Variants in COL19A1 observed in about 807,000 individuals in gnomAD.
The protein encoded by COL19A1 is collagen type XIX alpha 1 chain.
A neutral mutation model predicts 190.2 loss-of-function variants in COL19A1; 159 were observed. The ratio of observed to expected loss-of-function variants is 0.84; its 90% CI spans 0.73 to 0.95. COL19A1 has a LOEUF of 0.95. Ranked by LOEUF, COL19A1 falls within the 40% of genes least tolerant of loss-of-function variation. The pLI is 0.00. For missense variants in COL19A1, 1,418 were observed against 1,431.9 expected (o/e 0.99, Z 0.16); for synonymous variants, 509 against 458.9 (o/e 1.11, Z -1.39).
intron 11 of COL19A1, among the ~76,000 whole-genome samples, chr6:69,983,109 G>A (rs1410653382): frequency 6.6e-6 from 1 of 151,850 alleles, no homozygotes; most frequent in Non-Finnish European, 1.5e-5. Flanking sequence ...ATCTATAGAT[G>A]TTTGGGAGGA....
chr6:69,924,457 A>G (rs912667449), intron 4 of COL19A1, among the ~76,000 whole-genome samples: 14 of 152,306 alleles, frequency 9.2e-5, no homozygotes, highest in Admixed American at 7.2e-4. Context: ...GCTGCATAGT[A>G]TTCCATGGTG....
At chr6:70,034,147 T>C (rs1288424671) in intron 12 of COL19A1, 98 bp from the exon 13 acceptor site, 11 of 834,254 alleles carry the variant, frequency 1.3e-5, no homozygotes, top group Non-Finnish European at 1.9e-5. Flanking sequence ...AAGAATGAGA[T>C]TTGGAGGTTC....
intron 17 of COL19A1, among the ~76,000 whole-genome samples, chr6:70,129,246 G>A (rs998032582): frequency 1.3e-5 from 2 of 152,202 alleles, no homozygotes; most frequent in African/African-American, 4.8e-5. Context: ...AGGGAAATGT[G>A]TGCTGGGGAA....
chr6:69,946,024 T>C (rs951499298), intron 9 of COL19A1, among the ~76,000 whole-genome samples: 3 of 152,024 alleles, frequency 2.0e-5, no homozygotes, highest in East Asian at 1.9e-4. Flanking sequence ...AAGCTGATCA[T>C]TGGATTGACC....
At chr6:69,914,150 C>T (rs1771140432) in intron 4 of COL19A1, among the ~76,000 whole-genome samples, 3 of 152,070 alleles carry the variant, frequency 2.0e-5, no homozygotes, top group African/African-American at 4.8e-5. Flanking sequence ...TCAGATCAGG[C>T]GTGAGATTGT....
intron 42 of COL19A1, among the ~76,000 whole-genome samples, chr6:70,177,264 G>A (rs967505568): frequency 6.6e-5 from 10 of 152,086 alleles, no homozygotes; most frequent in African/African-American, 2.4e-4. Context: ...CTGCAGGGCA[G>A]GTCCAGGATA....
At chr6:70,192,862 C>A (rs1007896692) in intron 48 of COL19A1, among the ~76,000 whole-genome samples, 1 of 152,144 alleles carries the variant, frequency 6.6e-6, no homozygotes, top group African/African-American at 2.4e-5. Flanking sequence ...TTGACCTCAA[C>A]CATGAAAAGA....
chr6:70,177,569 G>C (rs115564419), intron 42 of COL19A1, among the ~76,000 whole-genome samples: 4 of 152,166 alleles, frequency 2.6e-5, no homozygotes, highest in Admixed American at 6.5e-5. Flanking sequence ...TCAAATATTC[G>C]TATGACTGTA....
chr6:70,187,061 G>A (rs1231492367), intron 46 of COL19A1, among the ~76,000 whole-genome samples: 1 of 151,986 alleles, frequency 6.6e-6, no homozygotes, highest in African/African-American at 2.4e-5. Context: ...TGTATTTTTA[G>A]TAGAGACAGG....
intron 36 of COL19A1, 71 bp from the exon 37 acceptor site, chr6:70,165,870 T>C (rs1765115139): frequency 7.3e-7 from 1 of 1,373,502 alleles, no homozygotes; most frequent in Admixed American, 1.7e-5. Context: ...CTGTGATTAA[T>C]TTCAGAAGAT....
intron 1 of COL19A1, among the ~76,000 whole-genome samples, chr6:69,878,617 A>G (rs995580706): frequency 1.3e-5 from 2 of 152,198 alleles, no homozygotes; most frequent in Non-Finnish European, 2.9e-5. Flanking sequence ...TGCAGCTGTT[A>G]TAGAAAACAG....
chr6:69,921,135 A>G (rs1290376199), intron 4 of COL19A1, among the ~76,000 whole-genome samples: 5 of 121,482 alleles, frequency 4.1e-5, no homozygotes, highest in Admixed American at 1.1e-4. Flanking sequence ...TATGTATCAC[A>G]TATATATCAC....
intron 11 of COL19A1, among the ~76,000 whole-genome samples, chr6:69,972,519 T>C (rs1490214528): frequency 6.6e-6 from 1 of 152,180 alleles, no homozygotes; most frequent in Non-Finnish European, 1.5e-5. Context: ...GTGTTTCTTT[T>C]CAGCCTCCAG....
At chr6:70,033,097 A>G (rs1779158831) in intron 12 of COL19A1, among the ~76,000 whole-genome samples, 1 of 152,204 alleles carries the variant, frequency 6.6e-6, no homozygotes, top group Admixed American at 6.5e-5. Flanking sequence ...GAAGGCATTT[A>G]TGCAACTAGA....
At chr6:69,929,183 C>G (rs1772592077) in intron 5 of COL19A1, among the ~76,000 whole-genome samples, 1 of 151,622 alleles carries the variant, frequency 6.6e-6, no homozygotes, top group Non-Finnish European at 1.5e-5. Flanking sequence ...CACACACACT[C>G]TTAGATGTTC....
At chr6:70,039,410 A>G (rs1779518604) in intron 14 of COL19A1, among the ~76,000 whole-genome samples, 1 of 152,154 alleles carries the variant, frequency 6.6e-6, no homozygotes, top group South Asian at 2.1e-4. Flanking sequence ...CATACCTACA[A>G]TTTGCTTCCT....
chr6:70,112,965 A>G (rs535849005), intron 16 of COL19A1, among the ~76,000 whole-genome samples: 2 of 152,342 alleles, frequency 1.3e-5, no homozygotes, highest in Admixed American at 6.5e-5. Context: ...AAAATGTCCA[A>G]AGTGGCAGAT....
intron 4 of COL19A1, among the ~76,000 whole-genome samples, chr6:69,917,155 G>A (rs940432084): frequency 1.3e-5 from 2 of 152,208 alleles, no homozygotes; most frequent in African/African-American, 4.8e-5. Context: ...ATTATATTTT[G>A]CTTCAGCCTG....
chr6:69,966,209 C>G (rs543957665), intron 11 of COL19A1, among the ~76,000 whole-genome samples: 4 of 151,684 alleles, frequency 2.6e-5, no homozygotes, highest in Non-Finnish European at 4.4e-5. Flanking sequence ...CACCTCTGCC[C>G]GGCCGCCCCG....
Sources: gnomAD v4.1 joint callset for allele counts (sites outside exome capture counted in the v4.1 genomes callset) on GRCh38, gnomAD v4.1.1 for gene constraint, MANE v1.5 for transcripts, NCBI Gene and HGNC (gene_info 2026-07-23, HGNC 2026-07-21) for gene names.